The following TRAPPC9 variants were observed in gnomAD, a reference collection of about 807,000 sequenced individuals.
TRAPPC9 encodes the protein trafficking protein particle complex subunit 9, also known as IKK2 binding protein.
Under a neutral mutation model 124.0 loss-of-function variants are expected in TRAPPC9, and 83 were observed. The ratio of observed to expected loss-of-function variants is 0.67; its 90% CI spans 0.56 to 0.80. The LOEUF is 0.80. TRAPPC9 is among the 30% of genes least tolerant of loss of function. The pLI is 0.00. For synonymous variants in TRAPPC9, 638 were observed against 617.5 expected (o/e 1.03, Z -0.49); for missense variants, 1,302 against 1,508.3 (o/e 0.86, Z 2.27).
chr8:140,316,339 G>C (rs2066442906), intron 9 of TRAPPC9, among the ~76,000 whole-genome samples: 1 of 152,120 alleles, frequency 6.6e-6, no homozygotes, highest in Non-Finnish European at 1.5e-5. Context: ...AGCTTTTAAT[G>C]ATTGAGTGTA....
At chr8:140,035,015 T>C (rs562817823) in intron 17 of TRAPPC9, among the ~76,000 whole-genome samples, 89 of 152,372 alleles carry the variant, frequency 5.8e-4, no homozygotes, top group African/African-American at 2.0e-3. Context: ...AAATGCTGCA[T>C]TCAAGATGCT....
chr8:140,070,969 C>T (rs1843129858), intron 17 of TRAPPC9, among the ~76,000 whole-genome samples: 1 of 152,228 alleles, frequency 6.6e-6, no homozygotes, highest in Non-Finnish European at 1.5e-5. Flanking sequence ...CAGGCCTTGG[C>T]AGCACTCGGC....
intron 19 of TRAPPC9, among the ~76,000 whole-genome samples, chr8:139,977,805 C>T (rs13259026): frequency 4.0e-5 from 6 of 151,578 alleles, no homozygotes; most frequent in African/African-American, 7.3e-5. Flanking sequence ...CTTAGCCTCC[C>T]GAATAGCTGA....
At chr8:140,355,872 G>A (rs1563969693) in intron 9 of TRAPPC9, among the ~76,000 whole-genome samples, 1 of 152,188 alleles carries the variant, frequency 6.6e-6, no homozygotes, top group Non-Finnish European at 1.5e-5. Flanking sequence ...GTTATAAAAT[G>A]TCTAATTACT....
chr8:139,977,734 G>T (rs1482411043), intron 19 of TRAPPC9, among the ~76,000 whole-genome samples: 5 of 151,582 alleles, frequency 3.3e-5, no homozygotes. Flanking sequence ...AGGCTGGAGT[G>T]CAGTGGGGCG....
chr8:139,966,777 T>C (rs1304715874), intron 19 of TRAPPC9, among the ~76,000 whole-genome samples: 1 of 152,172 alleles, frequency 6.6e-6, no homozygotes, highest in Non-Finnish European at 1.5e-5. Flanking sequence ...ACATGCTGAG[T>C]ACACACGTGC....
chr8:139,856,686 G>A (rs1827818139), intron 21 of TRAPPC9, among the ~76,000 whole-genome samples: 1 of 150,950 alleles, frequency 6.6e-6, no homozygotes, highest in Non-Finnish European at 1.5e-5. Flanking sequence ...AAATAGGACA[G>A]GCTTGCTTTC....
At chr8:140,230,190 C>T (rs1216144768) in intron 16 of TRAPPC9, among the ~76,000 whole-genome samples, 1 of 152,232 alleles carries the variant, frequency 6.6e-6, no homozygotes, top group Non-Finnish European at 1.5e-5. Flanking sequence ...AGAATGATCT[C>T]CTTTGCTGGA....
rs751691435 is a variant in TRAPPC9 at position 139,851,268 on chromosome 8, G to A, written c.3055+34611C>T. Among the ~76,000 whole-genome samples, 15 of 152,154 alleles carry A rather than the reference G, an allele frequency of 9.9e-5. No individual in the cohort carries two copies. The South Asian group carries it at 1.0e-3, about 11-fold the overall frequency. ...ACAGCATACTTTCTTGAACTTGACC[G>A]GATTCAAACCTAAGTCAATGTCCTT... is the stretch of plus-strand genomic sequence containing the variant. On this transcript the variant is annotated intron_variant, in intron 21 of 22. Transcript: ENST00000438773.
chr8:140,240,448 G>A (rs566276373), intron 16 of TRAPPC9, among the ~76,000 whole-genome samples: 2 of 152,260 alleles, frequency 1.3e-5, no homozygotes, highest in South Asian at 2.1e-4. Context: ...ATCGCCTCTT[G>A]CTCTCCAGCT....
chr8:140,416,975 T>C (rs1196605643), intron 5 of TRAPPC9, among the ~76,000 whole-genome samples: 3 of 152,198 alleles, frequency 2.0e-5, no homozygotes, highest in African/African-American at 4.8e-5. Flanking sequence ...AGGAAAAGAT[T>C]CCCTATTTAA....
intron 19 of TRAPPC9, among the ~76,000 whole-genome samples, chr8:139,937,254 C>T (rs535610163): frequency 1.3e-5 from 2 of 152,256 alleles, no homozygotes; most frequent in African/African-American, 4.8e-5. Context: ...AGAGTGAACA[C>T]AAAACGATCC....
chr8:140,265,193 C>A (rs2064592784), intron 15 of TRAPPC9, among the ~76,000 whole-genome samples: 1 of 152,138 alleles, frequency 6.6e-6, no homozygotes, highest in African/African-American at 2.4e-5. Context: ...CGCTGCCACC[C>A]CAGGCCGCGC....
At chr8:139,745,592 C>G (rs560501092) in intron 21 of TRAPPC9, among the ~76,000 whole-genome samples, 13 of 152,312 alleles carry the variant, frequency 8.5e-5, no homozygotes, top group Admixed American at 7.8e-4. Context: ...CAGGCCAGGT[C>G]GTCCTAGCAG....
chr8:139,904,017 C>T (rs1342647760), intron 20 of TRAPPC9, among the ~76,000 whole-genome samples: 1 of 152,060 alleles, frequency 6.6e-6, no homozygotes, highest in African/African-American at 2.4e-5. Flanking sequence ...TCTCAAAAAA[C>T]AAACAGTTTT....
chr8:140,276,317 C>A (rs1264477351), intron 14 of TRAPPC9, among the ~76,000 whole-genome samples: 1 of 152,200 alleles, frequency 6.6e-6, no homozygotes, highest in Non-Finnish European at 1.5e-5. Context: ...GTCCCACAGA[C>A]CCCTTCTTAC....
intron 9 of TRAPPC9, among the ~76,000 whole-genome samples, chr8:140,333,700 A>G (rs2066958227): frequency 1.3e-5 from 2 of 152,236 alleles, no homozygotes; most frequent in African/African-American, 2.4e-5. Flanking sequence ...CATAAAAACT[A>G]TATTTTAAAT....
intron 20 of TRAPPC9, among the ~76,000 whole-genome samples, chr8:139,905,383 A>C (rs2131248336): frequency 6.6e-6 from 1 of 152,374 alleles, no homozygotes; most frequent in African/African-American, 2.4e-5. Context: ...GGATAGAATA[A>C]GGATAAATGC....
chr8:139,857,096 G>C (rs1204925947), intron 21 of TRAPPC9, among the ~76,000 whole-genome samples: 1 of 93,150 alleles, frequency 1.1e-5, no homozygotes, highest in Admixed American at 9.8e-5. Flanking sequence ...AGGTGCCCAG[G>C]GCACTCCAGG....
Sources: gnomAD v4.1 joint callset for allele counts (sites outside exome capture counted in the v4.1 genomes callset) on GRCh38, gnomAD v4.1.1 for gene constraint, MANE v1.5 for transcripts, NCBI Gene and HGNC (gene_info 2026-07-23, HGNC 2026-07-21) for gene names.